Variants in GPHN observed in about 807,000 individuals in gnomAD.
GPHN encodes gephyrin.
GPHN carries 17 observed loss-of-function variants against 95.5 expected under a neutral mutation model. That is an observed-to-expected ratio of 0.18 (90% CI 0.12 to 0.27). GPHN has a LOEUF of 0.27. Among genes scored for constraint, GPHN ranks in the 10% least tolerant of loss-of-function variants. The pLI, the probability that GPHN is intolerant of heterozygous loss-of-function variation, is 1.00. For missense variants in GPHN, 660 were observed against 978.1 expected (o/e 0.67, Z 4.34); for synonymous variants, 320 against 322.5 (o/e 0.99, Z 0.08).
At chr14:66,953,264 C>A (rs999392800) in intron 8 of GPHN, among the ~76,000 whole-genome samples, 1 of 150,698 alleles carries the variant, frequency 6.6e-6, no homozygotes, top group African/African-American at 2.5e-5. Flanking sequence ...AATATTTCCT[C>A]CCTTTCTGTA....
chr14:66,844,684 G>C (rs1053067016), intron 4 of GPHN, among the ~76,000 whole-genome samples: 1 of 151,970 alleles, frequency 6.6e-6, no homozygotes, highest in East Asian at 1.9e-4. Context: ...GGATGCTCTA[G>C]GGAAGTTAAA....
Position 66,916,074 on chromosome 14 carries a change from A to T in GPHN, c.456+5A>T. ...GGTAGCAAGAAAGGATCTCAGGTAA[A>T]TCACCTGGACATATTAATGGTTTAG... On this transcript the variant is annotated splice_donor_5th_base_variant and intron_variant, in intron 6 of 22. Transcript: ENST00000478722. The T allele has an allele frequency of 6.4e-7, 1 of 1,559,266 alleles. No individual in the cohort carries two copies. The highest frequency in any genetic ancestry group is 8.8e-7 in the Non-Finnish European group (1 of 1,129,960).
At chr14:67,174,530 G>A (rs555535187) in intron 21 of GPHN, among the ~76,000 whole-genome samples, 50 of 152,178 alleles carry the variant, frequency 3.3e-4, no homozygotes, top group Middle Eastern at 3.4e-3. Flanking sequence ...GAATAGTGTC[G>A]CGATAAACAT....
chr14:67,448,932 A>G, the GPHN span, among the ~76,000 whole-genome samples: 1 of 152,210 alleles, frequency 6.6e-6, no homozygotes, highest in Non-Finnish European at 1.5e-5. Flanking sequence ...CATGGCTGTG[A>G]AAGACCATCC....
At chr14:67,529,663 G>C in the GPHN span, among the ~76,000 whole-genome samples, 1 of 152,106 alleles carries the variant, frequency 6.6e-6, no homozygotes, top group Non-Finnish European at 1.5e-5. Context: ...GCCCCACTTA[G>C]ATGGTGACTC....
intron 17 of GPHN, among the ~76,000 whole-genome samples, chr14:67,138,074 A>C (rs1234263221): frequency 1.3e-5 from 2 of 152,302 alleles, no homozygotes; most frequent in East Asian, 3.9e-4. Context: ...AATAGCTTTT[A>C]TCTGAAGGTG....
intron 2 of GPHN, among the ~76,000 whole-genome samples, chr14:66,691,193 T>TA (rs1196640112): frequency 6.6e-6 from 1 of 151,940 alleles, no homozygotes; most frequent in African/African-American, 2.4e-5. Flanking sequence ...TTTATTTTTT[T>TA]TTTTTATTTT....
At chr14:67,599,784 G>A in the GPHN span, among the ~76,000 whole-genome samples, 1 of 152,222 alleles carries the variant, frequency 6.6e-6, no homozygotes, top group African/African-American at 2.4e-5. Context: ...GTGAACCCAC[G>A]GAGCAGAGCA....
At chr14:67,521,031 G>A in the GPHN span, among the ~76,000 whole-genome samples, 26 of 152,198 alleles carry the variant, frequency 1.7e-4, no homozygotes, top group African/African-American at 6.3e-4. Context: ...TCTCATCGTT[G>A]TTCTCTGTAA....
the GPHN span, among the ~76,000 whole-genome samples, chr14:67,379,839 A>G: frequency 6.6e-6 from 1 of 151,106 alleles, no homozygotes; most frequent in East Asian, 1.9e-4. Flanking sequence ...TATTTTTAGT[A>G]GAGACGAGGT....
chr14:66,678,921 A>G (rs780799048), intron 1 of GPHN, among the ~76,000 whole-genome samples: 1 of 152,184 alleles, frequency 6.6e-6, no homozygotes, highest in Non-Finnish European at 1.5e-5. Flanking sequence ...TCCTGGCAAC[A>G]TGGATATTTG....
intron 1 of GPHN, among the ~76,000 whole-genome samples, chr14:66,558,689 A>G (rs1364647795): frequency 6.6e-6 from 1 of 152,034 alleles, no homozygotes; most frequent in Non-Finnish European, 1.5e-5. Flanking sequence ...AGGTAATGCT[A>G]TTCTTACTAA....
At chr14:66,764,666 T>C (rs1013496485) in intron 2 of GPHN, among the ~76,000 whole-genome samples, 1 of 152,110 alleles carries the variant, frequency 6.6e-6, no homozygotes, top group African/African-American at 2.4e-5. Context: ...CAGAATGGAT[T>C]GAGACCTTTA....
At chr14:67,289,768 C>CTTT in the GPHN span, among the ~76,000 whole-genome samples, 126 of 95,448 alleles carry the variant, frequency 1.3e-3, 34 homozygotes, top group Non-Finnish European at 1.3e-3. Flanking sequence ...TTTTCCATGT[C>CTTT]CTTTTTTTTT....
chr14:67,615,618 C>A, the GPHN span: 1 of 552,164 alleles, frequency 1.8e-6, no homozygotes, highest in Non-Finnish European at 3.5e-6. Context: ...CTAAGAAGTG[C>A]TTAGTGAGGG....
At chr14:67,152,892 G>C (rs1016072650) in intron 18 of GPHN, among the ~76,000 whole-genome samples, 4 of 151,880 alleles carry the variant, frequency 2.6e-5, no homozygotes, top group African/African-American at 7.3e-5. Context: ...TTAAACCAGG[G>C]AGTCAGAGGT....
rs867408827 is a variant in GPHN, at chr14:67,070,344, T to C, written c.1144+11558T>C. ...TTAAATATTTTTATATATATATATA[T>C]ACACACATATATATATAAAATCACA... is the stretch of plus-strand genomic sequence containing the variant. On this transcript the variant is annotated intron_variant, in intron 11 of 22. Transcript: ENST00000478722. Among the ~76,000 whole-genome samples, 960 of 148,200 alleles carry C rather than the reference T, an allele frequency of 6.5e-3. 8 individuals carry two copies. The highest frequency in any genetic ancestry group is 0.01 in the Admixed American group (151 of 14,782).
At chr14:67,158,852 A>T (rs1331157792) in intron 18 of GPHN, among the ~76,000 whole-genome samples, 1 of 152,004 alleles carries the variant, frequency 6.6e-6, no homozygotes, top group African/African-American at 2.4e-5. Flanking sequence ...CCTGTTTTTC[A>T]TTTTAGTTGA....
intron 2 of GPHN, among the ~76,000 whole-genome samples, chr14:66,769,553 G>C (rs2059088024): frequency 6.6e-6 from 1 of 151,926 alleles, no homozygotes; most frequent in Non-Finnish European, 1.5e-5. Context: ...TTTAGCTCCT[G>C]CTTATAAATT....
Sources: gnomAD v4.1 joint callset for allele counts (sites outside exome capture counted in the v4.1 genomes callset) on GRCh38, gnomAD v4.1.1 for gene constraint, MANE v1.5 for transcripts, NCBI Gene and HGNC (gene_info 2026-07-23, HGNC 2026-07-21) for gene names.